HS6ST3: variants seen among roughly 807,000 people sequenced by gnomAD.
HS6ST3 encodes the protein heparan-sulfate 6-O-sulfotransferase 3.
HS6ST3 carries 12 observed loss-of-function variants against 36.7 expected under a neutral mutation model. That is an observed-to-expected ratio of 0.33 (90% CI 0.21 to 0.53). HS6ST3 has a LOEUF of 0.53. Among genes scored for constraint, HS6ST3 ranks in the 20% least tolerant of loss-of-function variants. HS6ST3 has a pLI of 0.95. For missense variants in HS6ST3, 584 were observed against 640.9 expected (o/e 0.91, Z 0.96); for synonymous variants, 240 against 257.5 (o/e 0.93, Z 0.65).
chr13:96,490,869 G>T (rs2055941466), intron 1 of HS6ST3, among the ~76,000 whole-genome samples: 1 of 152,218 alleles, frequency 6.6e-6, no homozygotes, highest in Admixed American at 6.5e-5. Context: ...AGCATACTGT[G>T]CTACTTGCTG....
chr13:96,561,882 T>C (rs1213266537), intron 1 of HS6ST3, among the ~76,000 whole-genome samples: 8 of 152,164 alleles, frequency 5.3e-5, no homozygotes, highest in Admixed American at 4.6e-4. Flanking sequence ...AAATAACAGA[T>C]GCTTACAAGG....
At chr13:96,297,954 C>G (rs943418962) in intron 1 of HS6ST3, among the ~76,000 whole-genome samples, 1 of 152,094 alleles carries the variant, frequency 6.6e-6, no homozygotes, top group African/African-American at 2.4e-5. Flanking sequence ...AGTGGAATAA[C>G]TTATTTCCAA....
At chr13:96,460,191 C>T (rs2055777151) in intron 1 of HS6ST3, among the ~76,000 whole-genome samples, 1 of 152,048 alleles carries the variant, frequency 6.6e-6, no homozygotes, top group African/African-American at 2.4e-5. Flanking sequence ...GTGTTTCTAA[C>T]CCCACTACTG....
chr13:96,130,347 C>T (rs2053969860), intron 1 of HS6ST3, among the ~76,000 whole-genome samples: 1 of 152,098 alleles, frequency 6.6e-6, no homozygotes, highest in South Asian at 2.1e-4. Flanking sequence ...CTTTAAGAGA[C>T]AGTGGGAATA....
chr13:96,636,241 G>A (rs1302647881), intron 1 of HS6ST3, among the ~76,000 whole-genome samples: 1 of 152,242 alleles, frequency 6.6e-6, no homozygotes, highest in Non-Finnish European at 1.5e-5. Flanking sequence ...TGAGAAAATC[G>A]TACAGCAAGC....
intron 1 of HS6ST3, among the ~76,000 whole-genome samples, chr13:96,168,821 T>C (rs866133563): frequency 2.0e-5 from 3 of 152,168 alleles, no homozygotes; most frequent in Admixed American, 6.5e-5. Flanking sequence ...ATTTGGTACA[T>C]AGATATGTTG....
At chr13:96,409,692 C>T (rs1484545976) in intron 1 of HS6ST3, among the ~76,000 whole-genome samples, 1 of 152,082 alleles carries the variant, frequency 6.6e-6, no homozygotes, top group Non-Finnish European at 1.5e-5. Context: ...TCATATGAAT[C>T]ATCTCTAATC....
At position 96,252,225 on chromosome 13, in the gene HS6ST3, T is replaced by G. The variant is rs1288039117; in HGVS notation, c.707+160656T>G. Among the ~76,000 whole-genome samples, 5 of 152,380 alleles carry G rather than the reference T, an allele frequency of 3.3e-5. No individual in the cohort carries two copies. The East Asian group carries it at 9.6e-4, about 29-fold the overall frequency. On this transcript the variant is annotated intron_variant, in intron 1 of 1. Coordinates refer to ENST00000376705, the MANE Select transcript of HS6ST3 (RefSeq NM_153456.4). ...GGTTTGAGGTTGGGTACATGTATATTTACAATTGATGTATTCTCTTGATGA... is the reference window on the plus strand; with the variant it reads ...GGTTTGAGGTTGGGTACATGTATATGTACAATTGATGTATTCTCTTGATGA...
chr13:96,267,051 C>A (rs1012188138), intron 1 of HS6ST3, among the ~76,000 whole-genome samples: 1 of 152,032 alleles, frequency 6.6e-6, no homozygotes, highest in East Asian at 1.9e-4. Context: ...ATCCTCGGAG[C>A]GGGTTTTTTG....
intron 1 of HS6ST3, among the ~76,000 whole-genome samples, chr13:96,624,769 G>GT (rs1370281815): frequency 2.0e-5 from 3 of 152,170 alleles, no homozygotes; most frequent in Non-Finnish European, 4.4e-5. Context: ...ACCCATGATG[G>GT]TGTGTGTGGT....
intron 1 of HS6ST3, among the ~76,000 whole-genome samples, chr13:96,140,800 A>G (rs2054028323): frequency 6.6e-6 from 1 of 152,188 alleles, no homozygotes; most frequent in Non-Finnish European, 1.5e-5. Context: ...AGGCATACCT[A>G]CAGATTCTAC....
intron 1 of HS6ST3, among the ~76,000 whole-genome samples, chr13:96,738,925 T>C (rs1459732708): frequency 6.6e-6 from 1 of 152,188 alleles, no homozygotes; most frequent in Non-Finnish European, 1.5e-5. Flanking sequence ...TCCTGTGCTT[T>C]CTATACCTAA....
intron 1 of HS6ST3, among the ~76,000 whole-genome samples, chr13:96,658,405 C>T (rs1312783538): frequency 4.0e-5 from 6 of 150,292 alleles, no homozygotes; most frequent in African/African-American, 7.3e-5. Flanking sequence ...CTCAGCCTCC[C>T]GAGTAGCTGG....
At chr13:96,707,796 T>A (rs1352704667) in intron 1 of HS6ST3, among the ~76,000 whole-genome samples, 1 of 152,228 alleles carries the variant, frequency 6.6e-6, no homozygotes, top group Non-Finnish European at 1.5e-5. Flanking sequence ...AATCTGGGAT[T>A]AGTTTATTTC....
At chr13:96,144,667 T>TA (rs2054047844) in intron 1 of HS6ST3, among the ~76,000 whole-genome samples, 1 of 151,596 alleles carries the variant, frequency 6.6e-6, no homozygotes. Context: ...ATACTTTAAG[T>TA]TTTAGGGTAC....
chr13:96,598,477 T>C (rs191015708), intron 1 of HS6ST3, among the ~76,000 whole-genome samples: 35 of 152,262 alleles, frequency 2.3e-4, no homozygotes, highest in African/African-American at 7.7e-4. Context: ...ATTTTCATCT[T>C]GGCCATTGTT....
intron 1 of HS6ST3, among the ~76,000 whole-genome samples, chr13:96,137,101 T>C (rs999406413): frequency 6.6e-6 from 1 of 152,142 alleles, no homozygotes; most frequent in African/African-American, 2.4e-5. Context: ...TGTATATACC[T>C]TGCAGCTACT....
intron 1 of HS6ST3, among the ~76,000 whole-genome samples, chr13:96,288,058 A>C (rs540219907): frequency 1.3e-5 from 2 of 152,264 alleles, no homozygotes; most frequent in East Asian, 3.9e-4. Context: ...ACTTGTTAGA[A>C]GTGCAAATTG....
rs190972258 is a variant in HS6ST3 at position 96,353,156 on chromosome 13, T to C, written c.707+261587T>C. 4.3e-3 allele frequency among the ~76,000 whole-genome samples: 644 copies of C among 149,788 alleles called. 8 individuals are homozygous for C. The highest frequency in any genetic ancestry group is 0.015 in the African/African-American group (611 of 40,682). ...GCAACCTCTGTCTCCCAGGTTCACG[T>C]GATTCTCCTGCCTCAGCCTCCCGAG... On this transcript the variant is annotated intron_variant, in intron 1 of 1. Transcript: ENST00000376705.
Sources: allele counts gnomAD v4.1 joint callset (sites outside exome capture counted in the v4.1 genomes callset), GRCh38; gene constraint gnomAD v4.1.1; transcripts MANE v1.5; gene names NCBI Gene and HGNC (gene_info 2026-07-23, HGNC 2026-07-21).